The following RIN1 variants were observed in gnomAD, a reference collection of about 807,000 sequenced individuals.
The protein encoded by RIN1 is Ras and Rab interactor 1.
In RIN1, 52 loss-of-function variants were observed where a neutral mutation model predicts 64.9. That is an observed-to-expected ratio of 0.80 (90% confidence interval 0.64 to 1.01). The LOEUF (loss-of-function observed/expected upper bound fraction) is 1.01, where lower values mean the gene tolerates loss of function less well. Among genes scored for constraint, RIN1 ranks in the 50% least tolerant of loss-of-function variants. The pLI, the probability that RIN1 is intolerant of heterozygous loss-of-function variation, is 0.00. For missense variants in RIN1, 1,040 were observed against 1,064.5 expected, an observed-to-expected ratio of 0.98 and a Z score of 0.32; for synonymous variants, 486 against 483.6, an observed-to-expected ratio of 1.00 and a Z score of -0.06.
At chr11:66,334,300 G>A in intron 6 of RIN1, 76 bp from the exon 7 acceptor site, 2 of 1,307,628 alleles carry the variant, frequency 1.5e-6, no homozygotes, top group Non-Finnish European at 2.0e-6. Flanking sequence ...AGGGAGCAGG[G>A]GTAGAATCGG....
chr11:66,333,817 T>C, intron 7 of RIN1, 102 bp downstream of exon 7: 2 of 1,413,996 alleles, frequency 1.4e-6, no homozygotes, highest in Non-Finnish European at 1.9e-6. Flanking sequence ...GTGGGCTCAT[T>C]CTCTCCTGCA....
Position 66,335,215 on chromosome 11 carries a change from C to A in RIN1, c.584G>T (p.Arg195Leu). 6.4e-7 allele frequency: 1 copy of A among 1,571,814 alleles called. No homozygotes were observed. The highest frequency in any genetic ancestry group is 8.5e-7 in the Non-Finnish European group (1 of 1,170,246). ...CAACACTGGGCCTCCAGCCGGGCCC[C>A]GCTGAGCCTTGATGTTGAGGGAGGA... ...WSSSLNIKAQ[R>L]GPAGGPVLPQ... Residue 195 changes from arginine (R) to leucine (L), a missense_variant, in exon 6 of 10, where the codon CGG (arginine) becomes CTG (leucine). By Grantham distance (102) the Arg-to-Leu change is moderately radical. Transcript: ENST00000311320.
Position 66,334,027 on chromosome 11 carries a change from C to T in RIN1, c.1483G>A (p.Val495Met), listed in dbSNP as rs770188533. The stretch of plus-strand genomic sequence containing the variant: ...AGCAGCTGCAGCAGCTTCTGGCGCA[C>T]TTGCTCCAACTCTACTGGGGAGGGC... ...SLPSPVELEQ[V>M]RQKLLQLLRT... The change falls in exon 7 of 10, where the codon GTG becomes ATG. Residue 495 changes from valine (V) to methionine (M), a missense_variant. Coordinates refer to ENST00000311320, the MANE Select transcript of RIN1 (RefSeq NM_004292.3). The T allele has an allele frequency of 2.5e-6, 4 of 1,573,554 alleles. No homozygotes were observed. In the Admixed American group the frequency reaches 7.6e-5, roughly 30 times the overall value.
Position 66,334,087 on chromosome 11 carries a change from G to T in RIN1, c.1423C>A (p.Gln475Lys), listed in dbSNP as rs1366783541. The T allele has an allele frequency of 6.4e-7, 1 of 1,563,862 alleles. No homozygotes were observed. The highest frequency in any genetic ancestry group is 1.2e-5 in the South Asian group (1 of 85,260). The change falls in exon 7 of 10, where the codon CAG becomes AAG. Residue 475 changes from glutamine to lysine, a missense_variant. Physicochemically the swap from Gln to Lys is moderately conservative, Grantham distance 53 (BLOSUM62 1). Coordinates refer to ENST00000311320, the MANE Select transcript of RIN1 (RefSeq NM_004292.3). Reference protein sequence around the residue: ...LAEGLRLARAQGPGAFGSHLS... With the variant: ...LAEGLRLARAKGPGAFGSHLS... ...TGGGACCCGAAGGCTCCGGGGCCCT[G>T]GGCCCGGGCCAGGCGGAGGCCCTCA...
Position 66,335,787 on chromosome 11 carries a change from G to A in RIN1, c.357C>T (p.Ser119=). The stretch of plus-strand genomic sequence containing the variant: ...CGCCAGGGCTCTCCAGGATGTAGTG[G>A]CTGGAGACGAAGGAGGGGCCACTGG... ...PEASGPSFVS[S]HYILESPGGV... The change falls in exon 3 of 10, where the codon AGC becomes AGT. Residue 119 remains serine (S), a synonymous_variant. Coordinates refer to ENST00000311320, the MANE Select transcript of RIN1 (RefSeq NM_004292.3). 6.2e-7 allele frequency: 1 copy of A among 1,611,764 alleles called. No homozygotes were observed. The highest frequency in any genetic ancestry group is 8.5e-7 in the Non-Finnish European group (1 of 1,178,380).
In RIN1 at chr11:66,333,516, G is replaced by A. The variant is rs745853262; in HGVS notation, c.1723+11C>T. ...CCCACCCAGACAGGGAGGTGGGTGG[G>A]GGTCCCTCACCCTCTCCAGTAAGCA... is the stretch of plus-strand genomic sequence containing the variant. On this transcript the variant is annotated intron_variant, in intron 8 of 9. Coordinates refer to ENST00000311320, the MANE Select transcript of RIN1 (RefSeq NM_004292.3). 5 of 1,612,452 alleles carry A rather than the reference G, an allele frequency of 3.1e-6. No homozygotes were observed. The highest frequency in any genetic ancestry group is 4.2e-6 in the Non-Finnish European group (5 of 1,179,616).
In RIN1 at chr11:66,334,918, C is replaced by T. The variant is rs1854841208; in HGVS notation, c.881G>A (p.Gly294Glu). 1 of 1,585,102 alleles carries T rather than the reference C, an allele frequency of 6.3e-7. No individual in the cohort carries two copies. The highest frequency in any genetic ancestry group is 8.6e-7 in the Non-Finnish European group (1 of 1,165,510). ...GCCACTGCCTGCTGGCACGCGGTAC[C>T]CCACTGAGCTCTCCCTCCGTAGCAG... ...CQLLRRESSV[G>E]YRVPAGSGPS... is the part of the protein sequence containing the mutation. The change falls in exon 6 of 10, where the codon GGG becomes GAG. Residue 294 changes from glycine to glutamate, a missense_variant. Transcript: ENST00000311320.
At position 66,333,532 on chromosome 11, in the gene RIN1, C is replaced by G; in HGVS notation, c.1718G>C (p.Gly573Ala). Residue 573 changes from glycine to alanine, a missense_variant, in exon 8 of 10, where the codon GGA (glycine) becomes GCA (alanine). Gly to Ala is a moderately conservative substitution (Grantham distance 60). Coordinates refer to ENST00000311320, the MANE Select transcript of RIN1 (RefSeq NM_004292.3). ...SELLEPSLLTGEGGYYLTSLS... is the reference protein window; with the variant it reads ...SELLEPSLLTAEGGYYLTSLS... ...GGTGGGTGGGGGTCCCTCACCCTCT[C>G]CAGTAAGCAGGCTGGGCTCCAGCAG... 6.2e-7 allele frequency: 1 copy of G among 1,613,202 alleles called. No homozygotes were observed. Among genetic ancestry groups the G allele is most frequent in the Non-Finnish European group, 8.5e-7 (1 of 1,179,938 alleles).
chr11:66,333,648 C>T lies in RIN1; in HGVS notation c.1602G>A (p.Ala534=), dbSNP rs568626563. The T allele has an allele frequency of 1.7e-5, 28 of 1,611,890 alleles. No individual in the cohort carries two copies. The African/African-American group carries it at 2.8e-4, about 16-fold the overall frequency. The change falls in exon 8 of 10, where the codon GCG becomes GCA. Residue 534 remains alanine (A), a synonymous_variant. Transcript: ENST00000311320. ...GCAGAGGCAGGAACTCGTCGGCACC[C>T]GCGCCCTCCCCTGTGGGGACATGGT... ...MALRTQEGEG[A]GADEFLPLLS...
Position 66,330,803 on chromosome 11 carries a change from G to A in RIN1, c.*1473C>T, listed in dbSNP as rs894682004. ...AAACAAAAAAACCCAAAAAGCCAATGTCCACGATTTCTACCTCCCAGTTGT... is the reference window on the plus strand; with the variant it reads ...AAACAAAAAAACCCAAAAAGCCAATATCCACGATTTCTACCTCCCAGTTGT... On this transcript the variant is annotated 3_prime_UTR_variant, in exon 10 of 10. Coordinates refer to ENST00000311320, the MANE Select transcript of RIN1 (RefSeq NM_004292.3). 2 of 152,500 alleles carry A rather than the reference G, an allele frequency of 1.3e-5. No individual in the cohort carries two copies. Among genetic ancestry groups the A allele is most frequent in the African/African-American group, 4.8e-5 (2 of 41,476 alleles). 9.4% of individuals were successfully genotyped at this position (152,500 alleles called of 1,614,324 possible).
In RIN1 at chr11:66,334,666, G is replaced by C; in HGVS notation, c.1133C>G (p.Ala378Gly). Residue 378 changes from alanine to glycine, a missense_variant, in exon 6 of 10, where the codon GCC becomes GGC. Transcript: ENST00000311320. ...TAGGTCCTGCACCAGCTGGCCCGCG[G>C]CTGTGTGTCGGTCCTGCATCAGTGC... Reference protein sequence around the residue: ...AAALMQDRHTAAGQLVQDLLT... With the variant: ...AAALMQDRHTGAGQLVQDLLT... The C allele has an allele frequency of 6.4e-7, 1 of 1,558,080 alleles. No homozygotes were observed. The highest frequency in any genetic ancestry group is 8.7e-7 in the Non-Finnish European group (1 of 1,153,554).
chr11:66,334,921 A>G lies in RIN1; in HGVS notation c.878T>C (p.Val293Ala), dbSNP rs1349158230. Residue 293 changes from valine (V) to alanine (A), a missense_variant, in exon 6 of 10, where the codon GTG (valine) becomes GCG (alanine). Val to Ala is a moderately conservative substitution (Grantham distance 64). Transcript: ENST00000311320. ...ACTGCCTGCTGGCACGCGGTACCCC[A>G]CTGAGCTCTCCCTCCGTAGCAGCTG... ...PCQLLRRESS[V>A]GYRVPAGSGP... The G allele has an allele frequency of 6.3e-7, 1 of 1,586,908 alleles. No homozygotes were observed. The highest frequency in any genetic ancestry group is 1.1e-5 in the South Asian group (1 of 87,900).
At position 66,335,511 on chromosome 11, in the gene RIN1, A is replaced by G. The variant is rs370521634; in HGVS notation, c.456-13T>C. On this transcript the variant is annotated splice_polypyrimidine_tract_variant and intron_variant, in intron 4 of 9. Coordinates refer to ENST00000311320, the MANE Select transcript of RIN1 (RefSeq NM_004292.3). ...GAGAAGGATGTCCCTGAGGCCAGAG[A>G]GGGGAGCAGAAGGGAGTGAGGGCCG... 6 of 1,613,304 alleles carry G rather than the reference A, an allele frequency of 3.7e-6. No individual in the cohort carries two copies. The highest frequency in any genetic ancestry group is 2.7e-5 in the African/African-American group (2 of 74,840).
chr11:66,335,595 T>C lies in RIN1; in HGVS notation c.455+15A>G. On this transcript the variant is annotated intron_variant, in intron 4 of 9. Coordinates refer to ENST00000311320, the MANE Select transcript of RIN1 (RefSeq NM_004292.3). ...CAGGGCCCGTGGACACCAGGCACCC[T>C]GCGGGCAGACTCACCGGGTGTGGCA... is the stretch of plus-strand genomic sequence containing the variant. 1 of 1,613,522 alleles carries C rather than the reference T, an allele frequency of 6.2e-7. No individual in the cohort carries two copies. Among genetic ancestry groups the C allele is most frequent in the Non-Finnish European group, 8.5e-7 (1 of 1,179,734 alleles).
In RIN1 at chr11:66,335,978, C is replaced by T. The variant is rs960074085; in HGVS notation, c.267G>A (p.Gly89=). The T allele has an allele frequency of 1.4e-6, 2 of 1,477,506 alleles. No homozygotes were observed. Among genetic ancestry groups the T allele is most frequent in the East Asian group, 2.4e-5 (1 of 42,254 alleles). The allele number at this position is 1,477,506 out of a possible 1,614,324, so 91.5% of individuals were successfully genotyped here. A position where few individuals can be genotyped will look rare whatever the true frequency, so the allele number is the denominator to read the frequency against. The change falls in exon 2 of 10, where the codon GGG becomes GGA. Residue 89 remains glycine, a splice_region_variant and synonymous_variant. Transcript: ENST00000311320. ...CCCTGGAGTGTGGGGCAAGACTCAC[C>T]CCCGGGGGCTCGGTCCTCAGCATGT... ...ALHMLRTEPP[G]TFLVRKSNTR...
At position 66,335,154 on chromosome 11, in the gene RIN1, G is replaced by T; in HGVS notation, c.645C>A (p.Asp215Glu). 6.5e-7 allele frequency: 1 copy of T among 1,548,912 alleles called. No homozygotes were observed. ...QLKARSPQEL[D>E]QGTGAALCFF... ...AGCACAAGGCGGCTCCGGTGCCCTG[G>T]TCCAGCTCTTGAGGGGACCGGGCCT... Residue 215 changes from aspartate to glutamate, a missense_variant, in exon 6 of 10, where the codon GAC becomes GAA. Asp to Glu is a conservative substitution (Grantham distance 45). Transcript: ENST00000311320.
Position 66,334,164 on chromosome 11 carries a change from G to T in RIN1, c.1346C>A (p.Ala449Glu). 6.5e-7 allele frequency: 1 copy of T among 1,536,858 alleles called. No individual in the cohort carries two copies. Residue 449 changes from alanine to glutamate, a missense_variant, in exon 7 of 10, where the codon GCA becomes GAA. By Grantham distance (107) the Ala-to-Glu change is moderately radical. Transcript: ENST00000311320. ...GGCAAGCCGGCGCCGCAGGCGGGCT[G>T]CCAGGATGGGCCGGAGAGGCTTGAG... ...SVLKPLRPIL[A>E]ARLRRRLAAD...
Position 66,333,567 on chromosome 11 carries a change from G to A in RIN1, c.1683C>T (p.Tyr561=). The part of the protein sequence containing the change: ...DLPELLLEAE[Y]MSELLEPSLL... ...GGCTGGGCTCCAGCAGCTCCGACAT[G>A]TACTCGGCCTCCAGCAGCAGCTCAG... Residue 561 remains tyrosine, a synonymous_variant, in exon 8 of 10, where the codon TAC becomes TAT. Transcript: ENST00000311320. The A allele has an allele frequency of 1.2e-6, 2 of 1,613,432 alleles. No individual in the cohort carries two copies. The highest frequency in any genetic ancestry group is 1.7e-6 in the Non-Finnish European group (2 of 1,179,990).
Position 66,334,171 on chromosome 11 carries a change from T to C in RIN1, c.1339A>G (p.Ile447Val), listed in dbSNP as rs1854813194. Reference protein sequence around the residue: ...HCSVLKPLRPILAARLRRRLA... With the variant: ...HCSVLKPLRPVLAARLRRRLA... ...CGGCGCCGCAGGCGGGCTGCCAGGA[T>C]GGGCCGGAGAGGCTTGAGCACAGAG... is the stretch of plus-strand genomic sequence containing the variant. The change falls in exon 7 of 10, where the codon ATC becomes GTC. Residue 447 changes from isoleucine (I) to valine (V), a missense_variant. Ile to Val is a conservative substitution (Grantham distance 29). Transcript: ENST00000311320. 1.3e-6 allele frequency: 2 copies of C among 1,511,308 alleles called. No homozygotes were observed. Among genetic ancestry groups the C allele is most frequent in the East Asian group, 4.8e-5 (2 of 41,500 alleles). The allele number at this position is 1,511,308 out of a possible 1,614,324, so 93.6% of individuals were successfully genotyped here.
Sources: gnomAD v4.1 joint callset for allele counts on GRCh38, gnomAD v4.1.1 for gene constraint, MANE v1.5 for transcripts, NCBI Gene and HGNC (gene_info 2026-07-23, HGNC 2026-07-21) for gene names.